CACNA2D1: variants seen among roughly 807,000 people sequenced by gnomAD.
The protein encoded by CACNA2D1 is voltage-dependent calcium channel subunit alpha-2/delta-1.
Under a neutral mutation model 171.5 loss-of-function variants are expected in CACNA2D1, and 53 were observed. The observed-to-expected ratio is 0.31, with a 90% CI of 0.25 to 0.39. The LOEUF (loss-of-function observed/expected upper bound fraction) is 0.39. Ranked by LOEUF, CACNA2D1 falls within the 10% of genes least tolerant of loss-of-function variation. The pLI, the probability that CACNA2D1 is intolerant of heterozygous loss-of-function variation, is 1.00. For missense variants in CACNA2D1, 903 were observed against 1,299.8 expected, an observed-to-expected ratio of 0.69 and a Z score of 4.69; for synonymous variants, 442 against 443.1, an observed-to-expected ratio of 1.00 and a Z score of 0.03.
intron 5 of CACNA2D1, among the ~76,000 whole-genome samples, chr7:82,122,053 C>G (rs1789801637): frequency 6.6e-6 from 1 of 152,012 alleles, no homozygotes; most frequent in African/African-American, 2.4e-5. Context: ...ATGTATTATT[C>G]TACTAATAAT....
At chr7:82,068,244 C>T (rs751173777) in intron 7 of CACNA2D1, among the ~76,000 whole-genome samples, 3 of 152,240 alleles carry the variant, frequency 2.0e-5, no homozygotes, top group Non-Finnish European at 2.9e-5. Flanking sequence ...ACCTGTACCC[C>T]TCCAGCCCCG....
intron 9 of CACNA2D1, among the ~76,000 whole-genome samples, chr7:82,062,725 T>C (rs1167975827): frequency 4.8e-5 from 7 of 145,106 alleles, no homozygotes; most frequent in African/African-American, 1.5e-4. Flanking sequence ...ATTAGGTATA[T>C]CTCCTTTTTT....
At chr7:82,000,825 T>A (rs1358731387) in intron 18 of CACNA2D1, among the ~76,000 whole-genome samples, 1 of 125,262 alleles carries the variant, frequency 8.0e-6, no homozygotes, top group African/African-American at 3.1e-5. Context: ...GAGGCAGGGT[T>A]TCACTATGTT....
At chr7:82,044,405 T>C (rs1804308148) in intron 10 of CACNA2D1, among the ~76,000 whole-genome samples, 1 of 152,178 alleles carries the variant, frequency 6.6e-6, no homozygotes, top group Non-Finnish European at 1.5e-5. Context: ...TCTCTATTTC[T>C]GGCATGTAAA....
At chr7:82,216,210 T>C (rs1359758227) in intron 3 of CACNA2D1, among the ~76,000 whole-genome samples, 1 of 152,198 alleles carries the variant, frequency 6.6e-6, no homozygotes, top group South Asian at 2.1e-4. Flanking sequence ...ACAAGTGGTA[T>C]GTCAGTTCAG....
chr7:82,258,990 G>C (rs1448283178), intron 3 of CACNA2D1, among the ~76,000 whole-genome samples: 1 of 151,728 alleles, frequency 6.6e-6, no homozygotes, highest in African/African-American at 2.4e-5. Context: ...CACCATGCCT[G>C]ACTAATTTTT....
chr7:82,288,075 C>A (rs1056426178), intron 3 of CACNA2D1, among the ~76,000 whole-genome samples: 10 of 151,024 alleles, frequency 6.6e-5, no homozygotes, highest in African/African-American at 2.5e-4. Context: ...CTCCTGACCT[C>A]GTGATCTGCC....
intron 2 of CACNA2D1, among the ~76,000 whole-genome samples, chr7:82,346,681 C>T (rs1042858084): frequency 1.3e-5 from 2 of 151,802 alleles, no homozygotes; most frequent in African/African-American, 4.8e-5. Context: ...CATTTCCTTA[C>T]ACTCTTTTCT....
At chr7:82,016,808 T>C (rs1800537611) in intron 12 of CACNA2D1, among the ~76,000 whole-genome samples, 1 of 152,076 alleles carries the variant, frequency 6.6e-6, no homozygotes, top group African/African-American at 2.4e-5. Flanking sequence ...TGTAAACCTC[T>C]TTGTTCTTTT....
intron 7 of CACNA2D1, among the ~76,000 whole-genome samples, chr7:82,073,662 G>A (rs1808597003): frequency 6.6e-6 from 1 of 152,100 alleles, no homozygotes; most frequent in African/African-American, 2.4e-5. Context: ...GTGCAATGGT[G>A]CAACCTTGGC....
chr7:82,197,538 T>C (rs565525087), intron 3 of CACNA2D1, among the ~76,000 whole-genome samples: 1 of 152,162 alleles, frequency 6.6e-6, no homozygotes, highest in South Asian at 2.1e-4. Context: ...ACAAATGGTC[T>C]TTTTGTTGTA....
intron 1 of CACNA2D1, among the ~76,000 whole-genome samples, chr7:82,386,759 T>C (rs557857524): frequency 1.3e-5 from 2 of 149,528 alleles, no homozygotes; most frequent in Non-Finnish European, 1.5e-5. Flanking sequence ...AATAAATAAA[T>C]AAATAAATAA....
intron 5 of CACNA2D1, among the ~76,000 whole-genome samples, chr7:82,132,759 T>C (rs1245387998): frequency 6.6e-6 from 1 of 152,188 alleles, no homozygotes; most frequent in South Asian, 2.1e-4. Flanking sequence ...TAGGCCACTT[T>C]TACTTTAGGT....
intron 4 of CACNA2D1, among the ~76,000 whole-genome samples, chr7:82,153,518 T>C (rs1366737333): frequency 2.0e-5 from 3 of 152,132 alleles, no homozygotes; most frequent in Non-Finnish European, 4.4e-5. Flanking sequence ...TTCTCCAGTC[T>C]TCATTTAAAA....
intron 3 of CACNA2D1, among the ~76,000 whole-genome samples, chr7:82,232,556 A>G (rs902194198): frequency 6.6e-6 from 1 of 152,110 alleles, no homozygotes; most frequent in African/African-American, 2.4e-5. Flanking sequence ...GTTTTTACAA[A>G]TTGAGATTCT....
chr7:82,199,271 G>T (rs937702724), intron 3 of CACNA2D1, among the ~76,000 whole-genome samples: 2 of 151,918 alleles, frequency 1.3e-5, no homozygotes, highest in Non-Finnish European at 2.9e-5. Context: ...AATATTTGTT[G>T]TGTTACAAAG....
intron 3 of CACNA2D1, among the ~76,000 whole-genome samples, chr7:82,301,530 T>C (rs1420078682): frequency 6.6e-6 from 1 of 152,138 alleles, no homozygotes; most frequent in Non-Finnish European, 1.5e-5. Flanking sequence ...AAAATGTAAA[T>C]GTTGCCCTAA....
chr7:82,142,284 C>A (rs1026947272), intron 4 of CACNA2D1, among the ~76,000 whole-genome samples: 1 of 152,176 alleles, frequency 6.6e-6, no homozygotes, highest in African/African-American at 2.4e-5. Flanking sequence ...TATAATACTG[C>A]TGCTTACTGA....
At chr7:82,435,361 A>G (rs1830036370) in intron 1 of CACNA2D1, among the ~76,000 whole-genome samples, 1 of 152,074 alleles carries the variant, frequency 6.6e-6, no homozygotes, top group Non-Finnish European at 1.5e-5. Context: ...TAAGGGCCTA[A>G]CAGACATCTA....
Sources: gnomAD v4.1 joint callset for allele counts (sites outside exome capture counted in the v4.1 genomes callset) on GRCh38, gnomAD v4.1.1 for gene constraint, MANE v1.5 for transcripts, NCBI Gene and HGNC (gene_info 2026-07-23, HGNC 2026-07-21) for gene names.